ZNF462: variants seen among roughly 807,000 people sequenced by gnomAD.
ZNF462 encodes the protein zinc finger protein 462.
A neutral mutation model predicts 201.9 loss-of-function variants in ZNF462; 10 were observed. The observed-to-expected ratio is 0.05, with a 90% CI of 0.03 to 0.08. ZNF462 has a LOEUF of 0.08. Ranked by LOEUF, ZNF462 falls within the 10% of genes least tolerant of loss-of-function variation. The pLI is 1.00. For synonymous variants in ZNF462, 1,227 were observed against 1,193.3 expected, an observed-to-expected ratio of 1.03 and a Z score of -0.58; for missense variants, 2,523 against 3,168.3, an observed-to-expected ratio of 0.80 and a Z score of 4.89.
chr9:107,007,497 G>A (rs574439785), intron 11 of ZNF462, among the ~76,000 whole-genome samples: 63 of 152,306 alleles, frequency 4.1e-4, no homozygotes, highest in African/African-American at 1.4e-3. Flanking sequence ...GGAGAAGCAC[G>A]TATTCCTCTC....
rs548439777 is a variant in ZNF462, at chr9:106,968,198, G to A, written c.6428-3807G>A. ...GTTCAAATCCTACCTCTGCTTCTTC[G>A]TGTCTATGTGACCCGTCATCCTCAG... On this transcript the variant is annotated intron_variant, in intron 7 of 12. Transcript: ENST00000277225. The surrounding 1 kb of genome is among the most constrained non-coding windows in gnomAD (Gnocchi z 4.0). 5.3e-5 allele frequency among the ~76,000 whole-genome samples: 8 copies of A among 152,106 alleles called. No individual in the cohort carries two copies. Among genetic ancestry groups the A allele is most frequent in the East Asian group, 3.9e-4 (2 of 5,162 alleles).
In ZNF462 at chr9:106,880,455, C is replaced by A. The variant is rs1828041379; in HGVS notation, c.-31+17100C>A. 6.6e-6 allele frequency among the ~76,000 whole-genome samples: 1 copy of A among 152,196 alleles called. No homozygotes were observed. The highest frequency in any genetic ancestry group is 2.1e-4 in the South Asian group (1 of 4,830). On this transcript the variant is annotated intron_variant, in intron 1 of 12. Coordinates refer to ENST00000277225, the MANE Select transcript of ZNF462 (RefSeq NM_021224.6). This position sits in a 1 kb window ranked among gnomAD's most constrained non-coding sequence, Gnocchi z 4.1. ...ATGTAGGTACGAGGGCTGCATTAAA[C>A]CAGTGAGAAGTCCAAGGCTCCATTT... is the stretch of plus-strand genomic sequence containing the variant.
intron 6 of ZNF462, among the ~76,000 whole-genome samples, chr9:106,936,385 G>A (rs1305407383): frequency 2.0e-5 from 3 of 152,174 alleles, no homozygotes; most frequent in Admixed American, 6.5e-5. Context: ...TTTGAACAGT[G>A]TTGTAAGAAC....
chr9:107,012,989 CCAGA>C lies in ZNF462; in HGVS notation c.*1962_*1965del, dbSNP rs1408872748. 3 of 148,828 alleles carry C rather than the reference CCAGA, an allele frequency of 2.0e-5. No individual in the cohort carries two copies. Among genetic ancestry groups the C allele is most frequent in the African/African-American group, 7.8e-5 (3 of 38,556 alleles). The allele number at this position is 148,828 out of a possible 1,614,324, so 9.2% of individuals were successfully genotyped here. On this transcript the variant is annotated 3_prime_UTR_variant, in exon 13 of 13. Coordinates refer to ENST00000277225, the MANE Select transcript of ZNF462 (RefSeq NM_021224.6). ...AGAAAATGGGGAAAGTGTGAACTAT[CCAGA>C]CAAAGATTCATTTTGTGTCTATATT...
chr9:106,961,032 C>A (rs1197328931), intron 7 of ZNF462, among the ~76,000 whole-genome samples: 1 of 152,002 alleles, frequency 6.6e-6, no homozygotes, highest in African/African-American at 2.4e-5. Context: ...TGAAGGTAAT[C>A]CATGAATACC....
intron 1 of ZNF462, among the ~76,000 whole-genome samples, chr9:106,900,704 T>C (rs1262617843): frequency 6.6e-6 from 1 of 152,222 alleles, no homozygotes; most frequent in East Asian, 1.9e-4. Flanking sequence ...AATTGGCTAT[T>C]CATGTCCTTC....
intron 10 of ZNF462, among the ~76,000 whole-genome samples, chr9:106,989,349 C>T (rs1472197135): frequency 6.6e-6 from 1 of 151,930 alleles, no homozygotes; most frequent in Non-Finnish European, 1.5e-5. Context: ...TTTATTGACT[C>T]GTGTACGTTA....
In ZNF462 at chr9:106,972,093, C is replaced by A; in HGVS notation, c.6516C>A (p.Ser2172Arg). 1 of 1,614,158 alleles carries A rather than the reference C, an allele frequency of 6.2e-7. No individual in the cohort carries two copies. Among genetic ancestry groups the A allele is most frequent in the Non-Finnish European group, 8.5e-7 (1 of 1,180,026 alleles). ...AALARNNSRV[S>R]PVPLSGAAAG... The stretch of plus-strand genomic sequence containing the variant: ...TGGCAAGGAACAACAGCCGTGTTAG[C>A]CCTGTGCCTCTTTCTGGGGCTGCTG... The change falls in exon 8 of 13, where the codon AGC becomes AGA. Residue 2172 changes from serine (S) to arginine (R), a missense_variant. Physicochemically the swap from Ser to Arg is moderately radical, Grantham distance 110. Coordinates refer to ENST00000277225, the MANE Select transcript of ZNF462 (RefSeq NM_021224.6). The surrounding 1 kb of genome is among the most constrained non-coding windows in gnomAD (Gnocchi z 4.8).
intron 10 of ZNF462, among the ~76,000 whole-genome samples, chr9:106,988,425 A>G (rs1454129452): frequency 6.6e-6 from 1 of 152,076 alleles, no homozygotes; most frequent in Non-Finnish European, 1.5e-5. Flanking sequence ...TGGGAGTACA[A>G]TTCAAGATGA....
chr9:106,930,100 T>A lies in ZNF462; in HGVS notation c.5847+341T>A, dbSNP rs1830361835. ...TTCCTAAGGCAGTGTGGGCTGTCTC[T>A]TGGTACCATTAGCACTTCTCAGCCA... On this transcript the variant is annotated intron_variant, in intron 3 of 12. Coordinates refer to ENST00000277225, the MANE Select transcript of ZNF462 (RefSeq NM_021224.6). This position sits in a 1 kb window ranked among gnomAD's most constrained non-coding sequence, Gnocchi z 5.8. Among the ~76,000 whole-genome samples the A allele has an allele frequency of 6.6e-6, 1 of 152,210 alleles. No individual in the cohort carries two copies. The highest frequency in any genetic ancestry group is 2.4e-5 in the African/African-American group (1 of 41,442).
intron 10 of ZNF462, among the ~76,000 whole-genome samples, chr9:106,987,654 C>T (rs1564154767): frequency 6.6e-6 from 1 of 152,182 alleles, no homozygotes. Context: ...CATGCAAAAG[C>T]TCTTTAGTTT....
In ZNF462 at chr9:106,978,937, C is replaced by A; in HGVS notation, c.6832+4664C>A. On this transcript the variant is annotated intron_variant, in intron 9 of 12. Coordinates refer to ENST00000277225, the MANE Select transcript of ZNF462 (RefSeq NM_021224.6). The surrounding 1 kb of genome is among the most constrained non-coding windows in gnomAD (Gnocchi z 4.1). The stretch of plus-strand genomic sequence containing the variant: ...ATGGCTTCTACCAGCTTAGCCAAAG[C>A]GCCTTTGTCTTCCAAGTTAATGTGT... 1 of 315,574 alleles carries A rather than the reference C, an allele frequency of 3.2e-6. No individual in the cohort carries two copies. The highest frequency in any genetic ancestry group is 6.1e-6 in the Non-Finnish European group (1 of 163,610). 19.5% of individuals were successfully genotyped at this position (315,574 alleles called of 1,614,324 possible).
rs145453827 is a variant in ZNF462, at chr9:106,943,996, A to G, written c.6427+4889A>G. 5.1e-3 allele frequency among the ~76,000 whole-genome samples: 782 copies of G among 152,268 alleles called. 10 individuals are homozygous for G. Among genetic ancestry groups the G allele is most frequent in the African/African-American group, 0.018 (748 of 41,570 alleles). On this transcript the variant is annotated intron_variant, in intron 7 of 12. Transcript: ENST00000277225. ...TTCCTTGACAAAGAGCGTTTTAAAT[A>G]TTGTCATTGTTCCCTGCATGATGAG...
intron 7 of ZNF462, among the ~76,000 whole-genome samples, chr9:106,952,694 C>A (rs1831405144): frequency 1.3e-5 from 2 of 152,210 alleles, no homozygotes; most frequent in South Asian, 4.1e-4. Context: ...ATAATTATTA[C>A]TGACATTAAT....
chr9:106,910,752 A>G (rs1317554222), intron 1 of ZNF462, among the ~76,000 whole-genome samples: 2 of 148,168 alleles, frequency 1.3e-5, no homozygotes, highest in African/African-American at 2.6e-5. Context: ...GCAGTGTGAG[A>G]CAATTAGCCA....
rs184570781 is a variant in ZNF462, at chr9:106,977,019, C to T, written c.6832+2746C>T. Among the ~76,000 whole-genome samples the T allele has an allele frequency of 1.2e-4, 19 of 152,188 alleles. No individual in the cohort carries two copies. The highest frequency in any genetic ancestry group is 1.1e-3 in the Admixed American group (17 of 15,282). ...CTGTTGAGTGTTCTAGTAGCTGTGGCGGCTGAGTTCAAAGACAGAATTATC... is the reference window on the plus strand; with the variant it reads ...CTGTTGAGTGTTCTAGTAGCTGTGGTGGCTGAGTTCAAAGACAGAATTATC... On this transcript the variant is annotated intron_variant, in intron 9 of 12. Transcript: ENST00000277225. This position sits in a 1 kb window ranked among gnomAD's most constrained non-coding sequence, Gnocchi z 4.6.
rs1826529965 is a variant in ZNF462, at chr9:106,970,329, G to C, written c.6428-1676G>C. On this transcript the variant is annotated intron_variant, in intron 7 of 12. Transcript: ENST00000277225. The surrounding 1 kb of genome is among the most constrained non-coding windows in gnomAD (Gnocchi z 4.2). ...GGTTTTTCTCAATCTTGAGGAATAT[G>C]AATTGAGGAGGCGGGGAGGAGAACA... 6.6e-6 allele frequency among the ~76,000 whole-genome samples: 1 copy of C among 152,166 alleles called. No individual in the cohort carries two copies. The highest frequency in any genetic ancestry group is 1.5e-5 in the Non-Finnish European group (1 of 68,028).
chr9:106,863,164 G>A (rs1050756311), upstream of ZNF462: 1 of 399,116 alleles, frequency 2.5e-6, no homozygotes, highest in South Asian at 1.3e-4. Flanking sequence ...TGCAGCTGCA[G>A]CGAGTCTGAG....
Position 106,974,661 on chromosome 9 carries a change from A to ACTC in ZNF462, c.6832+388_6832+389insCTC. On this transcript the variant is annotated intron_variant, in intron 9 of 12. Coordinates refer to ENST00000277225, the MANE Select transcript of ZNF462 (RefSeq NM_021224.6). The surrounding 1 kb of genome is among the most constrained non-coding windows in gnomAD (Gnocchi z 4.0). ...GTGGAGAGCTCTATGGCTGTGAGAG[A>ACTC]TTCTTTCAAGAAGACCAAAATGATT... The ACTC allele has an allele frequency of 3.7e-6, 1 of 273,748 alleles. No individual in the cohort carries two copies. 17.0% of individuals were successfully genotyped at this position (273,748 alleles called of 1,614,324 possible). A position where few individuals can be genotyped will look rare whatever the true frequency, so the allele number is the denominator to read the frequency against.
Sources: allele counts gnomAD v4.1 joint callset (sites outside exome capture counted in the v4.1 genomes callset), GRCh38; gene constraint gnomAD v4.1.1; non-coding constraint Gnocchi (gnomAD v3.1); transcripts MANE v1.5; gene names NCBI Gene and HGNC (gene_info 2026-07-23, HGNC 2026-07-21).